The following KIR2DL3 variants were observed in gnomAD, a reference collection of about 807,000 sequenced individuals.
KIR2DL3 encodes the protein killer cell immunoglobulin-like receptor 2DL3.
A neutral mutation model predicts 33.8 loss-of-function variants in KIR2DL3; 39 were observed. That is an observed-to-expected ratio of 1.15 (90% confidence interval 0.89 to 1.51). The LOEUF is 1.51. Ranked by LOEUF, KIR2DL3 falls within the 40% of genes most tolerant of loss-of-function variation. The probability of loss-of-function intolerance (pLI) is 0.00; values close to 1 mark genes in which losing one functional copy is unlikely to be tolerated. For synonymous variants in KIR2DL3, 174 were observed against 160.2 expected (o/e 1.09, Z -0.65); for missense variants, 462 against 426.2 (o/e 1.08, Z -0.74).
intron 4 of KIR2DL3, among the ~76,000 whole-genome samples, chr19:54,745,113 G>A (rs376967722): frequency 2.1e-3 from 319 of 151,356 alleles, no homozygotes; most frequent in East Asian, 3.9e-3. Context: ...CCATGTGGCT[G>A]CAAATATCAG....
intron 5 of KIR2DL3, among the ~76,000 whole-genome samples, chr19:54,749,068 G>A (rs1383029658): frequency 6.6e-6 from 1 of 152,100 alleles, no homozygotes; most frequent in Non-Finnish European, 1.5e-5. Flanking sequence ...TGCACACACA[G>A]CTGTCAGCCG....
chr19:54,743,473 A>T (rs1600354665), intron 3 of KIR2DL3, among the ~76,000 whole-genome samples: 1 of 152,266 alleles, frequency 6.6e-6, no homozygotes, highest in African/African-American at 2.4e-5. Flanking sequence ...AGAAATATGC[A>T]GAAAGTTATG....
At chr19:54,740,819 G>T (rs2070920631) in intron 2 of KIR2DL3, among the ~76,000 whole-genome samples, 1 of 151,258 alleles carries the variant, frequency 6.6e-6, no homozygotes, top group African/African-American at 2.4e-5. Flanking sequence ...AGCCTGGACT[G>T]TCCCACTGGG....
At chr19:54,741,832 C>G in intron 2 of KIR2DL3, 148 bp from the exon 3 acceptor site, 1 of 1,178,716 alleles carries the variant, frequency 8.5e-7, no homozygotes, top group Non-Finnish European at 1.2e-6. Flanking sequence ...GGACCTGCAC[C>G]AGGAGTTAAG....
chr19:54,747,524 C>A (rs1339781493), intron 5 of KIR2DL3, 139 bp downstream of exon 5: 21 of 1,156,198 alleles, frequency 1.8e-5, no homozygotes, highest in Non-Finnish European at 5.2e-6. Flanking sequence ...GATACTCCAA[C>A]AGCGAAAGGG....
chr19:54,751,653 C>A lies in KIR2DL3; in HGVS notation c.720C>A (p.Asn240Lys), dbSNP rs1232933055. 6.7e-7 allele frequency: 1 copy of A among 1,502,596 alleles called. No homozygotes were observed. Among genetic ancestry groups the A allele is most frequent in the Admixed American group, 1.8e-5 (1 of 55,594 alleles). The allele number at this position is 1,502,596 out of a possible 1,614,324, so 93.1% of individuals were successfully genotyped here. A position where few individuals can be genotyped will look rare whatever the true frequency, so the allele number is the denominator to read the frequency against. ...SPTEPSSETG[N>K]PRHLHVLIGT... ...TGGTGTCTCCTCTTCTTCCAGGTAA[C>A]CCCAGACACCTGCATGTTCTGATTG... is the stretch of plus-strand genomic sequence containing the variant. Residue 240 changes from asparagine to lysine, a missense_variant, in exon 6 of 8, where the codon AAC (asparagine) becomes AAA (lysine). Asn to Lys is a moderately conservative substitution (Grantham distance 94). Transcript: ENST00000342376.
chr19:54,739,283 T>C (rs2070505062), intron 1 of KIR2DL3, among the ~76,000 whole-genome samples: 1 of 151,296 alleles, frequency 6.6e-6, no homozygotes, highest in Non-Finnish European at 1.5e-5. Flanking sequence ...AGGGTGGAAA[T>C]ATCAGCCTGG....
At chr19:54,738,665 T>A (rs1245639786) in intron 1 of KIR2DL3, 86 bp downstream of exon 1, 26 of 1,565,980 alleles carry the variant, frequency 1.7e-5, no homozygotes, top group Non-Finnish European at 2.1e-5. Context: ...GAAGTGGAGT[T>A]ATGGGCCTAG....
chr19:54,743,386 T>C (rs1415529627), intron 3 of KIR2DL3, among the ~76,000 whole-genome samples: 17 of 152,068 alleles, frequency 1.1e-4, no homozygotes, highest in East Asian at 5.8e-4. Flanking sequence ...ATAGATGATA[T>C]ATAGATATAG....
In KIR2DL3 at chr19:54,747,725, T is replaced by A. The variant is rs573676967; in HGVS notation, c.715+340T>A. Among the ~76,000 whole-genome samples the A allele has an allele frequency of 2.0e-5, 3 of 152,276 alleles. No homozygotes were observed. The East Asian group carries it at 5.8e-4, about 29-fold the overall frequency. ...TTGAGAGAGGGAAGGGAAGGGAACA[T>A]CTGATGAGGGCGAGGTGTTTTAGAG... is the stretch of plus-strand genomic sequence containing the variant. On this transcript the variant is annotated intron_variant, in intron 5 of 7. Coordinates refer to ENST00000342376, the MANE Select transcript of KIR2DL3 (RefSeq NM_015868.3).
At position 54,751,528 on chromosome 19, in the gene KIR2DL3, A is replaced by C. The variant is rs1293702213; in HGVS notation, c.716-121A>C. ...GCAGGAGAAAGCTGGGTCTCCCTCC[A>C]TCTGGGTGCTTGTCCTAAAGGGGTG... On this transcript the variant is annotated intron_variant, in intron 5 of 7. Transcript: ENST00000342376. 4 of 860,162 alleles carry C rather than the reference A, an allele frequency of 4.7e-6. 1 individual carries two copies. In the South Asian group the frequency reaches 5.0e-5, roughly 11 times the overall value. The allele number at this position is 860,162 out of a possible 1,614,324, so 53.3% of individuals were successfully genotyped here.
intron 5 of KIR2DL3, among the ~76,000 whole-genome samples, chr19:54,749,041 G>C (rs1215894722): frequency 6.6e-6 from 1 of 152,120 alleles, no homozygotes; most frequent in African/African-American, 2.4e-5. Flanking sequence ...ACCCCTGAAA[G>C]ATTGGCGGAA....
At position 54,744,054 on chromosome 19, in the gene KIR2DL3, A is replaced by G. The variant is rs1283142314; in HGVS notation, c.630A>G (p.Ser210=). The G allele has an allele frequency of 1.2e-5, 20 of 1,614,120 alleles. No individual in the cohort carries two copies. The South Asian group carries it at 2.2e-4, about 18-fold the overall frequency. ...GSFRDSPYEW[S]NSSDPLLVSV... is the part of the protein sequence containing the mutation. ...TCCGTGACTCTCCATACGAGTGGTC[A>G]AACTCGAGTGACCCACTGCTTGTTT... is the stretch of plus-strand genomic sequence containing the variant. Residue 210 remains serine (S), a synonymous_variant, in exon 4 of 8, where the codon TCA becomes TCG. Transcript: ENST00000342376.
chr19:54,741,911 C>T, intron 2 of KIR2DL3, 69 bp from the exon 3 acceptor site: 12 of 1,384,936 alleles, frequency 8.7e-6, no homozygotes, highest in Non-Finnish European at 1.1e-5. Context: ...GGAAGCCTCA[C>T]TCATTCTAGG....
At position 54,745,397 on chromosome 19, in the gene KIR2DL3, C is replaced by T. The variant is rs369829166; in HGVS notation, c.664+1309C>T. The stretch of plus-strand genomic sequence containing the variant: ...TTTTTGTTTTTGAGACAGTTTCCCT[C>T]TGTGCCCAGGCTGGAGTACAAGTGA... On this transcript the variant is annotated intron_variant, in intron 4 of 7. Transcript: ENST00000342376. Among the ~76,000 whole-genome samples the T allele has an allele frequency of 6.9e-3, 1,053 of 151,558 alleles. 13 individuals are homozygous for T. Among genetic ancestry groups the T allele is most frequent in the African/African-American group, 0.024 (997 of 41,310 alleles).
Position 54,742,344 on chromosome 19 carries a change from C to G in KIR2DL3, c.370+65C>G, listed in dbSNP as rs562910802. Reference sequence around the variant, plus strand: ...GAGTGAATGATCCACGACTTGGAACCCCCAGGTAGTTGTAAGGAAGATGAG... The same window carrying G: ...GAGTGAATGATCCACGACTTGGAACGCCCAGGTAGTTGTAAGGAAGATGAG... On this transcript the variant is annotated intron_variant, in intron 3 of 7. Transcript: ENST00000342376. The G allele has an allele frequency of 3.5e-5, 48 of 1,356,158 alleles. No individual in the cohort carries two copies. In the African/African-American group the frequency reaches 5.4e-4, roughly 15 times the overall value. 84.0% of individuals were successfully genotyped at this position (1,356,158 alleles called of 1,614,324 possible). A position where few individuals can be genotyped will look rare whatever the true frequency, so the allele number is the denominator to read the frequency against.
At chr19:54,747,699 C>T (rs1351492993) in intron 5 of KIR2DL3, among the ~76,000 whole-genome samples, 1 of 152,152 alleles carries the variant, frequency 6.6e-6, no homozygotes, top group Non-Finnish European at 1.5e-5. Context: ...TTCCTGGGGG[C>T]TTGAGAGAGG....
Position 54,750,073 on chromosome 19 carries a change from A to G in KIR2DL3, c.716-1576A>G, listed in dbSNP as rs1273863850. On this transcript the variant is annotated intron_variant, in intron 5 of 7. Coordinates refer to ENST00000342376, the MANE Select transcript of KIR2DL3 (RefSeq NM_015868.3). ...CCCTATTTGGCTTTCTGTGAGAATG[A>G]GATCACATAGAAAATGTGAAAGCCC... 1.5e-5 allele frequency among the ~76,000 whole-genome samples: 2 copies of G among 132,840 alleles called. 1 individual carries two copies. The highest frequency in any genetic ancestry group is 5.7e-5 in the African/African-American group (2 of 34,916). 87.1% of individuals were successfully genotyped at this position (132,840 alleles called of 152,430 possible). A position where few individuals can be genotyped will look rare whatever the true frequency, so the allele number is the denominator to read the frequency against.
intron 2 of KIR2DL3, among the ~76,000 whole-genome samples, chr19:54,741,697 C>T (rs1284837124): frequency 2.6e-5 from 4 of 151,602 alleles, no homozygotes; most frequent in African/African-American, 7.3e-5. Flanking sequence ...CCCACATAAA[C>T]AGCAGGAAAT....
Sources: gnomAD v4.1 joint callset for allele counts (sites outside exome capture counted in the v4.1 genomes callset) on GRCh38, gnomAD v4.1.1 for gene constraint, MANE v1.5 for transcripts, NCBI Gene and HGNC (gene_info 2026-07-23, HGNC 2026-07-21) for gene names.